Variants in PRUNE2 observed in about 807,000 individuals in gnomAD.
PRUNE2 encodes the protein protein prune homolog 2.
A neutral mutation model predicts 252.0 loss-of-function variants in PRUNE2; 164 were observed. The observed-to-expected ratio is 0.65, with a 90% CI of 0.57 to 0.74. The LOEUF (loss-of-function observed/expected upper bound fraction) is 0.74, where lower values mean the gene tolerates loss of function less well. Ranked by LOEUF, PRUNE2 falls within the 30% of genes least tolerant of loss-of-function variation. The pLI is 0.00. For missense variants in PRUNE2, 3,495 were observed against 3,711.0 expected, an observed-to-expected ratio of 0.94 and a Z score of 1.51; for synonymous variants, 1,292 against 1,350.2, an observed-to-expected ratio of 0.96 and a Z score of 0.94.
Position 76,773,356 on chromosome 9 carries a change from G to A in PRUNE2, c.756+50276C>T, listed in dbSNP as rs551968083. 1.8e-4 allele frequency among the ~76,000 whole-genome samples: 28 copies of A among 152,002 alleles called. 2 individuals carry two copies. The South Asian group carries it at 3.5e-3, about 19-fold the overall frequency. On this transcript the variant is annotated intron_variant, in intron 6 of 18. Transcript: ENST00000376718. ...ATGGGAAGAAAGGTTGATTTATAGCGGACAATCTTTTCTTTATTCATGTTA... is the reference window on the plus strand; with the variant it reads ...ATGGGAAGAAAGGTTGATTTATAGCAGACAATCTTTTCTTTATTCATGTTA...
chr9:76,856,197 GCA>G (rs1199180973), intron 1 of PRUNE2, among the ~76,000 whole-genome samples: 1 of 152,276 alleles, frequency 6.6e-6, no homozygotes, highest in African/African-American at 2.4e-5. Flanking sequence ...GAATCCCACA[GCA>G]CAGTGCAGTG....
chr9:76,727,722 T>G (rs1304942978), intron 6 of PRUNE2, among the ~76,000 whole-genome samples: 1 of 144,102 alleles, frequency 6.9e-6, no homozygotes, highest in East Asian at 2.0e-4. Context: ...TTTTTTTTTT[T>G]TTTTTTTTTT....
At chr9:76,702,432 T>G (rs1185872971) in intron 9 of PRUNE2, among the ~76,000 whole-genome samples, 2 of 152,202 alleles carry the variant, frequency 1.3e-5, no homozygotes, top group Admixed American at 1.3e-4. Flanking sequence ...TCACAATTTG[T>G]TCTTTTGTCC....
chr9:76,757,473 T>C (rs1268778121), intron 6 of PRUNE2, among the ~76,000 whole-genome samples: 2 of 152,196 alleles, frequency 1.3e-5, no homozygotes, highest in Non-Finnish European at 1.5e-5. Context: ...TAAACTAGGA[T>C]TCAGACTGAA....
intron 6 of PRUNE2, among the ~76,000 whole-genome samples, chr9:76,726,799 C>A (rs1449616930): frequency 6.6e-6 from 1 of 152,184 alleles, no homozygotes; most frequent in Non-Finnish European, 1.5e-5. Flanking sequence ...AACTGTCAAA[C>A]TTCCATTGCT....
At chr9:76,789,483 AG>A (rs2055345717) in intron 6 of PRUNE2, among the ~76,000 whole-genome samples, 1 of 152,178 alleles carries the variant, frequency 6.6e-6, no homozygotes, top group Non-Finnish European at 1.5e-5. Flanking sequence ...CTGTTACTCT[AG>A]GGGGCTCCAA....
chr9:76,903,490 CT>C, intron 1 of PRUNE2, among the ~76,000 whole-genome samples: 1 of 152,248 alleles, frequency 6.6e-6, no homozygotes, highest in Non-Finnish European at 1.5e-5. Context: ...TAATTCTGGT[CT>C]AATAAGGCTT....
intron 7 of PRUNE2, among the ~76,000 whole-genome samples, chr9:76,712,809 G>A (rs913945800): frequency 6.6e-6 from 1 of 152,120 alleles, no homozygotes; most frequent in Non-Finnish European, 1.5e-5. Context: ...GAGCCCGAGA[G>A]TACCCATAGG....
chr9:76,661,560 G>A (rs981702310), intron 9 of PRUNE2, among the ~76,000 whole-genome samples: 2 of 152,170 alleles, frequency 1.3e-5, no homozygotes, highest in African/African-American at 4.8e-5. Flanking sequence ...CAGTATTAAT[G>A]CCCAGCAAAA....
intron 6 of PRUNE2, chr9:76,740,501 C>CA (rs1433171570): frequency 6.6e-6 from 1 of 150,810 alleles, no homozygotes; most frequent in Non-Finnish European, 1.5e-5. Flanking sequence ...GGCTGAGCCC[C>CA]AACACGAGTC....
Position 76,708,863 on chromosome 9 carries a change from G to T in PRUNE2, c.3411C>A (p.Asp1137Glu). 1 of 1,613,958 alleles carries T rather than the reference G, an allele frequency of 6.2e-7. No homozygotes were observed. The highest frequency in any genetic ancestry group is 8.5e-7 in the Non-Finnish European group (1 of 1,179,876). ...ATISDMDNDLDWDDCSGGAAI... is the reference protein window; with the variant it reads ...ATISDMDNDLEWDDCSGGAAI... Reference sequence around the variant, plus strand: ...CCGCACCCCCACTGCAGTCATCCCAGTCCAAATCATTGTCCATATCTGAGA... The same window carrying T: ...CCGCACCCCCACTGCAGTCATCCCATTCCAAATCATTGTCCATATCTGAGA... The change falls in exon 8 of 19, where the codon GAC becomes GAA. Residue 1137 changes from aspartate to glutamate, a missense_variant. Transcript: ENST00000376718.
intron 6 of PRUNE2, among the ~76,000 whole-genome samples, chr9:76,741,070 T>A (rs1224834561): frequency 1.3e-5 from 2 of 152,232 alleles, no homozygotes; most frequent in Non-Finnish European, 2.9e-5. Context: ...AAATAATCTA[T>A]GTGTAGGAAC....
At chr9:76,813,653 C>A (rs1028638148) in intron 6 of PRUNE2, among the ~76,000 whole-genome samples, 6 of 152,150 alleles carry the variant, frequency 3.9e-5, no homozygotes, top group Non-Finnish European at 7.4e-5. Flanking sequence ...ACATCAACTA[C>A]ATTTTTGTTG....
intron 3 of PRUNE2, among the ~76,000 whole-genome samples, chr9:76,847,163 A>G (rs776064896): frequency 6.6e-6 from 1 of 152,070 alleles, no homozygotes; most frequent in Non-Finnish European, 1.5e-5. Context: ...CGTCTCTACT[A>G]AAAATACAAA....
At chr9:76,644,027 C>T (rs770567762) in intron 12 of PRUNE2, among the ~76,000 whole-genome samples, 3 of 152,094 alleles carry the variant, frequency 2.0e-5, no homozygotes, top group Non-Finnish European at 4.4e-5. Flanking sequence ...AAAATGCTGT[C>T]GAGGTTTTCT....
At chr9:76,826,778 C>T (rs775384889) in intron 4 of PRUNE2, 46 bp from the exon 5 acceptor site, 19 of 1,473,416 alleles carry the variant, frequency 1.3e-5, no homozygotes, top group Non-Finnish European at 1.7e-5. Context: ...CCAGCCAAGC[C>T]AGAACAGGGG....
chr9:76,727,619 A>T (rs1232323977), intron 6 of PRUNE2, among the ~76,000 whole-genome samples: 2 of 150,564 alleles, frequency 1.3e-5, no homozygotes, highest in Admixed American at 6.6e-5. Flanking sequence ...GGTATTTTCC[A>T]GAGTTGTTTC....
chr9:76,763,638 C>G (rs2051986504), intron 6 of PRUNE2, among the ~76,000 whole-genome samples: 1 of 152,196 alleles, frequency 6.6e-6, no homozygotes. Flanking sequence ...CCTTGCCTCT[C>G]CTGTGCTCTC....
chr9:76,749,140 A>C (rs1271132451), intron 6 of PRUNE2, among the ~76,000 whole-genome samples: 1 of 152,232 alleles, frequency 6.6e-6, no homozygotes, highest in Non-Finnish European at 1.5e-5. Context: ...TCCATGTAGA[A>C]ACTAAAGATT....
Sources: gnomAD v4.1 joint callset for allele counts (sites outside exome capture counted in the v4.1 genomes callset) on GRCh38, gnomAD v4.1.1 for gene constraint, MANE v1.5 for transcripts, NCBI Gene and HGNC (gene_info 2026-07-23, HGNC 2026-07-21) for gene names.